FOXP2: variants seen among roughly 807,000 people sequenced by gnomAD.
The protein encoded by FOXP2 is forkhead box protein P2.
A neutral mutation model predicts 115.8 loss-of-function variants in FOXP2; 12 were observed. That is an observed-to-expected ratio of 0.10 (90% confidence interval 0.07 to 0.17). The LOEUF (loss-of-function observed/expected upper bound fraction) is 0.17. Ranked by LOEUF, FOXP2 falls within the 10% of genes least tolerant of loss-of-function variation. The pLI is 1.00. For missense variants in FOXP2, 629 were observed against 843.5 expected (o/e 0.75, Z 3.15); for synonymous variants, 328 against 297.7 (o/e 1.10, Z -1.05).
chr7:114,199,647 T>C (rs946597523), intron 1 of FOXP2, among the ~76,000 whole-genome samples: 1 of 152,184 alleles, frequency 6.6e-6, no homozygotes, highest in South Asian at 2.1e-4. Flanking sequence ...AGAGTAGCTA[T>C]TATGTTGAAT....
chr7:114,621,249 G>T (rs1465306179), intron 3 of FOXP2, among the ~76,000 whole-genome samples: 1 of 151,884 alleles, frequency 6.6e-6, no homozygotes, highest in Non-Finnish European at 1.5e-5. Flanking sequence ...GCATCTTTTT[G>T]ATATCTATAA....
intron 3 of FOXP2, among the ~76,000 whole-genome samples, chr7:114,624,914 T>C (rs550912828): frequency 6.6e-6 from 1 of 151,440 alleles, no homozygotes. Flanking sequence ...TCTAGGATAA[T>C]ACCTAAATTT....
chr7:114,237,134 A>T (rs1309093503), intron 1 of FOXP2, among the ~76,000 whole-genome samples: 1 of 152,196 alleles, frequency 6.6e-6, no homozygotes, highest in African/African-American at 2.4e-5. Context: ...TTAATAGACA[A>T]TAAGGATACA....
intron 7 of FOXP2, 105 bp downstream of exon 7, chr7:114,642,728 T>C: frequency 1.3e-6 from 1 of 795,198 alleles, no homozygotes; most frequent in Non-Finnish European, 2.1e-6. Context: ...GGACAAAATG[T>C]ATAGAACAAC....
In FOXP2 at chr7:114,290,414, C is replaced by T. The variant is rs993218866; in HGVS notation, c.-11+2305C>T. 2.6e-5 allele frequency among the ~76,000 whole-genome samples: 4 copies of T among 151,906 alleles called. No individual in the cohort carries two copies. In the South Asian group the frequency reaches 8.3e-4, roughly 31 times the overall value. On this transcript the variant is annotated intron_variant, in intron 2 of 17. Transcript: ENST00000634411. ...TCAGTTATTTTCAGAGTTTCCACTG[C>T]AAGACTATTAAGCTCAAATGAAATA...
intron 2 of FOXP2, among the ~76,000 whole-genome samples, chr7:114,298,840 T>G (rs1796809814): frequency 6.6e-6 from 1 of 152,182 alleles, no homozygotes; most frequent in African/African-American, 2.4e-5. Context: ...GCCAACATAG[T>G]CGAAATCAGT....
At chr7:114,637,675 A>T (rs941409143) in intron 6 of FOXP2, among the ~76,000 whole-genome samples, 1 of 152,182 alleles carries the variant, frequency 6.6e-6, no homozygotes, top group African/African-American at 2.4e-5. Context: ...AAATAAGTTA[A>T]GTAAAATATA....
intron 1 of FOXP2, among the ~76,000 whole-genome samples, chr7:114,117,376 C>A (rs187767601): frequency 6.6e-6 from 1 of 151,882 alleles, no homozygotes; most frequent in Non-Finnish European, 1.5e-5. Flanking sequence ...TGTGCACCAC[C>A]ACGCCCAGCT....
At chr7:114,297,218 T>C (rs1367263250) in intron 2 of FOXP2, 9 of 482,060 alleles carry the variant, frequency 1.9e-5, no homozygotes, top group Non-Finnish European at 3.2e-5. Context: ...CGATGAAACT[T>C]GAGGGCCCGT....
Position 114,692,241 on chromosome 7 carries a change from C to G in FOXP2, c.*2315C>G, listed in dbSNP as rs1808707207. The G allele has an allele frequency of 2.2e-6, 1 of 453,788 alleles. No homozygotes were observed. The highest frequency in any genetic ancestry group is 2.4e-5 in the Admixed American group (1 of 42,514). The allele number at this position is 453,788 out of a possible 1,614,324, so 28.1% of individuals were successfully genotyped here. On this transcript the variant is annotated 3_prime_UTR_variant, in exon 17 of 17. Coordinates refer to ENST00000350908, the MANE Select transcript of FOXP2 (RefSeq NM_014491.4). ...GTACCATCAGAAGGGTGGCCTAAGA[C>G]TACAATGCTAAAGTATGCATACCTC...
chr7:114,678,164 C>CT (rs970031419), intron 16 of FOXP2, among the ~76,000 whole-genome samples: 22 of 152,106 alleles, frequency 1.4e-4, no homozygotes, highest in African/African-American at 4.8e-4. Context: ...TCATATTTGA[C>CT]TTTTTTTTCC....
chr7:114,281,641 C>T (rs370163323), intron 1 of FOXP2, among the ~76,000 whole-genome samples: 1 of 152,082 alleles, frequency 6.6e-6, no homozygotes, highest in East Asian at 1.9e-4. Flanking sequence ...TCTGACAGAA[C>T]ATTATCTGCC....
In FOXP2 at chr7:114,531,806, C is replaced by G. The variant is rs571232485; in HGVS notation, c.169-2811C>G. Reference sequence around the variant, plus strand: ...GTGATATTTCATTACTATTATTACTCCTTTACTAACAGTGTAGGTGTATGC... The same window carrying G: ...GTGATATTTCATTACTATTATTACTGCTTTACTAACAGTGTAGGTGTATGC... On this transcript the variant is annotated intron_variant, in intron 2 of 16. Transcript: ENST00000350908. Among the ~76,000 whole-genome samples, 24 of 152,034 alleles carry G rather than the reference C, an allele frequency of 1.6e-4. 1 individual carries two copies. Among genetic ancestry groups the G allele is most frequent in the African/African-American group, 5.5e-4 (23 of 41,504 alleles).
chr7:114,494,611 T>A (rs1404036649), intron 2 of FOXP2, among the ~76,000 whole-genome samples: 2 of 152,126 alleles, frequency 1.3e-5, no homozygotes, highest in Non-Finnish European at 2.9e-5. Context: ...AAGGTGATAA[T>A]AAAAATCCAT....
intron 2 of FOXP2, among the ~76,000 whole-genome samples, chr7:114,431,980 T>C (rs966839402): frequency 1.3e-5 from 2 of 151,988 alleles, no homozygotes; most frequent in Non-Finnish European, 2.9e-5. Flanking sequence ...ATTAACTGGC[T>C]AGCTATGCTT....
intron 1 of FOXP2, among the ~76,000 whole-genome samples, chr7:114,106,199 C>A (rs2129141429): frequency 6.6e-6 from 1 of 152,072 alleles, no homozygotes; most frequent in East Asian, 1.9e-4. Context: ...TTTTATCTCA[C>A]CTGTAAAATA....
At chr7:114,577,416 CTTAT>C (rs1801630183) in intron 3 of FOXP2, among the ~76,000 whole-genome samples, 1 of 151,966 alleles carries the variant, frequency 6.6e-6, no homozygotes, top group South Asian at 2.1e-4. Context: ...TGAAATTGCA[CTTAT>C]TTACTTTCAA....
At chr7:114,126,281 A>G (rs1774314379) in intron 1 of FOXP2, among the ~76,000 whole-genome samples, 1 of 152,168 alleles carries the variant, frequency 6.6e-6, no homozygotes, top group African/African-American at 2.4e-5. Context: ...ATAAACATTC[A>G]AAACTATAGT....
At chr7:114,170,832 T>C (rs1047581808) in intron 1 of FOXP2, among the ~76,000 whole-genome samples, 1 of 152,172 alleles carries the variant, frequency 6.6e-6, no homozygotes, top group Non-Finnish European at 1.5e-5. Flanking sequence ...AAGTTTGAGG[T>C]GAAACAGCAC....
Sources: allele counts gnomAD v4.1 joint callset (sites outside exome capture counted in the v4.1 genomes callset), GRCh38; gene constraint gnomAD v4.1.1; transcripts MANE v1.5; gene names NCBI Gene and HGNC (gene_info 2026-07-23, HGNC 2026-07-21).